Variants in NEBL observed in about 807,000 individuals in gnomAD.
The protein encoded by NEBL is LIM and SH3 protein 2.
A neutral mutation model predicts 140.2 loss-of-function variants in NEBL; 122 were observed. The observed-to-expected ratio is 0.87, with a 90% CI of 0.75 to 1.01. The LOEUF (loss-of-function observed/expected upper bound fraction) is 1.01, where lower values mean the gene tolerates loss of function less well. NEBL is among the 50% of genes least tolerant of loss of function. The pLI is 0.00. For synonymous variants in NEBL, 436 were observed against 398.9 expected (o/e 1.09, Z -1.11); for missense variants, 1,365 against 1,231.3 (o/e 1.11, Z -1.62).
At chr10:20,917,665 T>G (rs958337845) in intron 4 of NEBL, among the ~76,000 whole-genome samples, 1 of 152,336 alleles carries the variant, frequency 6.6e-6, no homozygotes, top group Middle Eastern at 3.4e-3. Flanking sequence ...CCAAGTTCAA[T>G]TAAAACAGGA....
In NEBL at chr10:21,257,696, T is replaced by A. The variant is rs976876632; in HGVS notation, n.183-5868A>T. Among the ~76,000 whole-genome samples the A allele has an allele frequency of 4.5e-4, 69 of 152,110 alleles. 1 individual carries two copies. The highest frequency in any genetic ancestry group is 1.6e-3 in the African/African-American group (66 of 41,504). Reference sequence around the variant, plus strand: ...GTCAGGAGATCGAGACCATCCTGGCTAACACAGTGAAACCCCATCTCTACT... The same window carrying A: ...GTCAGGAGATCGAGACCATCCTGGCAAACACAGTGAAACCCCATCTCTACT... On this transcript the variant is annotated intron_variant and non_coding_transcript_variant, in intron 1 of 8. Transcript: ENST00000675702.
chr10:21,095,651 T>C (rs1837152634), intron 2 of NEBL, among the ~76,000 whole-genome samples: 1 of 152,200 alleles, frequency 6.6e-6, no homozygotes, highest in African/African-American at 2.4e-5. Flanking sequence ...TGAAATCAAT[T>C]CATCTTAAAT....
chr10:21,205,104 A>G (rs1841805740), intron 3 of NEBL, among the ~76,000 whole-genome samples: 1 of 152,246 alleles, frequency 6.6e-6, no homozygotes, highest in African/African-American at 2.4e-5. Flanking sequence ...CATGAAAACA[A>G]GAATTTATCA....
intron 1 of NEBL, among the ~76,000 whole-genome samples, chr10:21,279,103 T>C (rs2132296211): frequency 6.6e-6 from 1 of 152,190 alleles, no homozygotes; most frequent in Middle Eastern, 3.4e-3. Context: ...CTATTTAGGC[T>C]CTACACATCA....
intron 2 of NEBL, among the ~76,000 whole-genome samples, chr10:21,147,706 C>G (rs1006449065): frequency 1.3e-5 from 2 of 152,204 alleles, no homozygotes; most frequent in African/African-American, 4.8e-5. Context: ...ATCCACCAAG[C>G]GAGCACCTGT....
At chr10:20,813,014 G>T in intron 23 of NEBL, 74 bp from the exon 24 acceptor site, 1 of 1,237,188 alleles carries the variant, frequency 8.1e-7, no homozygotes, top group Non-Finnish European at 1.2e-6. Context: ...TTAAATGACA[G>T]GTGTACACTG....
chr10:21,196,883 T>C (rs1841662259), intron 3 of NEBL, among the ~76,000 whole-genome samples: 1 of 152,270 alleles, frequency 6.6e-6, no homozygotes, highest in Admixed American at 6.5e-5. Context: ...ACTTTTTCTG[T>C]ATAATGCTAT....
intron 26 of NEBL, among the ~76,000 whole-genome samples, chr10:20,795,888 C>A (rs1308208804): frequency 6.6e-6 from 1 of 152,124 alleles, no homozygotes; most frequent in African/African-American, 2.4e-5. Flanking sequence ...AGATTTTTAA[C>A]CATTTTCTTC....
intron 2 of NEBL, among the ~76,000 whole-genome samples, chr10:21,036,056 A>G (rs1342324079): frequency 6.6e-6 from 1 of 152,056 alleles, no homozygotes; most frequent in African/African-American, 2.4e-5. Flanking sequence ...CCAGCTACTC[A>G]GGGAGCCGAG....
At chr10:21,208,618 ATCTACT>A (rs1841868074) in intron 3 of NEBL, among the ~76,000 whole-genome samples, 1 of 152,130 alleles carries the variant, frequency 6.6e-6, no homozygotes, top group African/African-American at 2.4e-5. Context: ...AATGAGAGGG[ATCTACT>A]TCCAGAAGTC....
intron 24 of NEBL, among the ~76,000 whole-genome samples, chr10:20,811,767 T>A (rs1838170896): frequency 6.6e-6 from 1 of 152,184 alleles, no homozygotes; most frequent in Admixed American, 6.5e-5. Context: ...CTAACACTGA[T>A]ATTACTGAGT....
chr10:20,803,087 C>T (rs555688866), intron 26 of NEBL, among the ~76,000 whole-genome samples: 39 of 152,248 alleles, frequency 2.6e-4, no homozygotes, highest in African/African-American at 8.9e-4. Context: ...CACCCCACCT[C>T]GACCACAAGC....
At chr10:20,998,810 T>A (rs1204775807) in intron 3 of NEBL, among the ~76,000 whole-genome samples, 1 of 152,168 alleles carries the variant, frequency 6.6e-6, no homozygotes, top group Admixed American at 6.5e-5. Flanking sequence ...CTAGCCCCAA[T>A]GAAGTCCCTT....
chr10:21,100,324 T>C (rs1837418749), intron 2 of NEBL, among the ~76,000 whole-genome samples: 1 of 152,254 alleles, frequency 6.6e-6, no homozygotes, highest in South Asian at 2.1e-4. Flanking sequence ...TTGCCTTTTC[T>C]TTCTTTATTC....
At chr10:20,930,377 T>C (rs1212441165) in intron 4 of NEBL, among the ~76,000 whole-genome samples, 1 of 152,184 alleles carries the variant, frequency 6.6e-6, no homozygotes, top group Non-Finnish European at 1.5e-5. Context: ...ACCAGCTTAG[T>C]CCAAACCACC....
intron 1 of NEBL, among the ~76,000 whole-genome samples, chr10:21,278,547 C>G (rs769609039): frequency 1.3e-5 from 2 of 152,172 alleles, no homozygotes; most frequent in Non-Finnish European, 2.9e-5. Flanking sequence ...TCTGTGCAGT[C>G]ATCATGGGTC....
intron 2 of NEBL, among the ~76,000 whole-genome samples, chr10:21,165,093 T>C (rs181535059): frequency 6.6e-6 from 1 of 152,220 alleles, no homozygotes; most frequent in South Asian, 2.1e-4. Context: ...AAGAGTGGAC[T>C]GACATTTGGG....
chr10:20,879,845 A>G (rs1455037862), intron 5 of NEBL, among the ~76,000 whole-genome samples: 1 of 152,194 alleles, frequency 6.6e-6, no homozygotes, highest in African/African-American at 2.4e-5. Flanking sequence ...AGCTTTCCCT[A>G]CAATTCCAGG....
At chr10:21,112,560 T>C (rs577838990) in intron 2 of NEBL, among the ~76,000 whole-genome samples, 605 of 60,038 alleles carry the variant, frequency 0.01, 5 homozygotes, top group African/African-American at 0.039. Context: ...GGACACACGG[T>C]GGGGAACATC....
Sources: gnomAD v4.1 joint callset for allele counts (sites outside exome capture counted in the v4.1 genomes callset) on GRCh38, gnomAD v4.1.1 for gene constraint, MANE v1.5 for transcripts, NCBI Gene and HGNC (gene_info 2026-07-23, HGNC 2026-07-21) for gene names.